SIL1: variants seen among roughly 807,000 people sequenced by gnomAD.
The protein encoded by SIL1 is nucleotide exchange factor SIL1.
A neutral mutation model predicts 49.1 loss-of-function variants in SIL1; 40 were observed. The observed-to-expected ratio is 0.81, with a 90% CI of 0.63 to 1.06. The LOEUF is 1.06. Among genes scored for constraint, SIL1 ranks in the 50% least tolerant of loss-of-function variants. The probability of loss-of-function intolerance (pLI) is 0.00; values close to 1 mark genes in which losing one functional copy is unlikely to be tolerated. For synonymous variants in SIL1, 253 were observed against 250.8 expected (o/e 1.01, Z -0.08); for missense variants, 500 against 572.6 (o/e 0.87, Z 1.29).
chr5:139,091,772 G>A (rs1770347957), intron 3 of SIL1, among the ~76,000 whole-genome samples: 2 of 152,214 alleles, frequency 1.3e-5, no homozygotes, highest in African/African-American at 4.8e-5. Flanking sequence ...GTTTCAGGCT[G>A]TGAGACCCTG....
chr5:139,022,966 G>A (rs1246996335), intron 6 of SIL1, among the ~76,000 whole-genome samples: 1 of 152,142 alleles, frequency 6.6e-6, no homozygotes, highest in African/African-American at 2.4e-5. Flanking sequence ...ACCACGCCTG[G>A]AATGGCCACT....
chr5:138,976,039 C>G (rs908953312), intron 7 of SIL1, among the ~76,000 whole-genome samples: 4 of 152,220 alleles, frequency 2.6e-5, no homozygotes, highest in Middle Eastern at 3.2e-3. Context: ...TGTGACGTAT[C>G]CATAGAAGAA....
At chr5:138,962,688 A>G (rs1380586959) in intron 7 of SIL1, among the ~76,000 whole-genome samples, 1 of 152,236 alleles carries the variant, frequency 6.6e-6, no homozygotes, top group Non-Finnish European at 1.5e-5. Context: ...AAGGGAGAGG[A>G]GCTATCTGTG....
chr5:139,021,736 G>A, intron 6 of SIL1: 1 of 249,872 alleles, frequency 4.0e-6, no homozygotes, highest in Non-Finnish European at 7.8e-6. Flanking sequence ...TTAGAAGCTA[G>A]GGACTATAAA....
chr5:138,975,333 C>G (rs184625970), intron 7 of SIL1, among the ~76,000 whole-genome samples: 16 of 152,292 alleles, frequency 1.1e-4, no homozygotes, highest in South Asian at 2.1e-4. Flanking sequence ...TGTCCTCCCC[C>G]TGACACGCCA....
intron 7 of SIL1, among the ~76,000 whole-genome samples, chr5:138,954,426 T>C (rs993658475): frequency 6.6e-6 from 1 of 152,244 alleles, no homozygotes; most frequent in Non-Finnish European, 1.5e-5. Context: ...GAGGTACCCA[T>C]GGAACCCTGG....
intron 1 of SIL1, among the ~76,000 whole-genome samples, chr5:139,128,916 A>G (rs569319181): frequency 7.2e-5 from 11 of 152,282 alleles, no homozygotes; most frequent in East Asian, 1.9e-4. Context: ...TGCAAGGCCA[A>G]TGGGTGGAGT....
intron 3 of SIL1, among the ~76,000 whole-genome samples, chr5:139,079,411 C>T (rs947486090): frequency 2.0e-5 from 3 of 152,196 alleles, no homozygotes; most frequent in East Asian, 1.9e-4. Context: ...ATGGGTAATT[C>T]GCTCTCTCCA....
chr5:139,174,074 AAATAAT>A (rs1751831209), intron 1 of SIL1, among the ~76,000 whole-genome samples: 1 of 152,114 alleles, frequency 6.6e-6, no homozygotes, highest in African/African-American at 2.4e-5. Context: ...AGAAGAAAGA[AAATAAT>A]AATAAAGATC....
intron 4 of SIL1, among the ~76,000 whole-genome samples, chr5:139,047,109 T>C (rs1769184134): frequency 6.6e-6 from 1 of 152,182 alleles, no homozygotes; most frequent in Non-Finnish European, 1.5e-5. Flanking sequence ...ATATTGGACC[T>C]TGGTAAATGT....
At chr5:138,995,951 T>C (rs2150408580) in intron 7 of SIL1, among the ~76,000 whole-genome samples, 1 of 152,374 alleles carries the variant, frequency 6.6e-6, no homozygotes, top group African/African-American at 2.4e-5. Context: ...GATGGGCATT[T>C]TGGTTGATTC....
chr5:139,020,436 C>A (rs547345683), intron 7 of SIL1, among the ~76,000 whole-genome samples: 2 of 152,358 alleles, frequency 1.3e-5, no homozygotes, highest in South Asian at 4.1e-4. Context: ...ATCTAATAGC[C>A]TCCACCCATG....
intron 3 of SIL1, among the ~76,000 whole-genome samples, chr5:139,108,727 C>A (rs1250694659): frequency 6.6e-6 from 1 of 152,166 alleles, no homozygotes; most frequent in African/African-American, 2.4e-5. Context: ...GAAATCATTT[C>A]TTTGATGCTA....
At chr5:139,090,696 T>C (rs1284231025) in intron 3 of SIL1, among the ~76,000 whole-genome samples, 1 of 152,110 alleles carries the variant, frequency 6.6e-6, no homozygotes, top group Non-Finnish European at 1.5e-5. Flanking sequence ...CCTCAAACTC[T>C]TGGGCCCAAG....
At chr5:139,023,021 C>T (rs1158764993) in intron 6 of SIL1, among the ~76,000 whole-genome samples, 1 of 152,212 alleles carries the variant, frequency 6.6e-6, no homozygotes, top group African/African-American at 2.4e-5. Context: ...GCCACTCGGT[C>T]AGCTCCAAAG....
In SIL1 at chr5:138,990,188, GAGT is replaced by G. The variant is rs1767727375; in HGVS notation, c.767+30980_767+30982del. Among the ~76,000 whole-genome samples the G allele has an allele frequency of 2.6e-5, 4 of 152,248 alleles. No homozygotes were observed. The South Asian group carries it at 8.3e-4, about 32-fold the overall frequency. On this transcript the variant is annotated intron_variant, in intron 7 of 9. Coordinates refer to ENST00000394817, the MANE Select transcript of SIL1 (RefSeq NM_022464.5). ...CCAATGTGAGCGTACACTTACCCAA[GAGT>G]TTTCCATCTAGACAATGAGGACTGT...
At chr5:139,126,931 G>C (rs1750765931) in intron 2 of SIL1, among the ~76,000 whole-genome samples, 2 of 152,206 alleles carry the variant, frequency 1.3e-5, no homozygotes, top group Non-Finnish European at 2.9e-5. Context: ...GGGTGAAACT[G>C]TCAAATAACT....
At chr5:139,143,238 T>C (rs1293505715) in intron 1 of SIL1, among the ~76,000 whole-genome samples, 1 of 130,266 alleles carries the variant, frequency 7.7e-6, no homozygotes, top group Non-Finnish European at 1.5e-5. Flanking sequence ...TATATACATA[T>C]ATGTATATAT....
chr5:139,124,747 A>T (rs1750721173), intron 2 of SIL1, among the ~76,000 whole-genome samples: 1 of 152,272 alleles, frequency 6.6e-6, no homozygotes, highest in South Asian at 2.1e-4. Flanking sequence ...CCATTTATTA[A>T]GCCCTGATCA....
Sources: gnomAD v4.1 joint callset for allele counts (sites outside exome capture counted in the v4.1 genomes callset) on GRCh38, gnomAD v4.1.1 for gene constraint, MANE v1.5 for transcripts, NCBI Gene and HGNC (gene_info 2026-07-23, HGNC 2026-07-21) for gene names.